The following DPPA4 variants were observed in gnomAD, a reference collection of about 807,000 sequenced individuals.
DPPA4 encodes the protein developmental pluripotency-associated protein 4.
A neutral mutation model predicts 33.7 loss-of-function variants in DPPA4; 22 were observed. That is an observed-to-expected ratio of 0.65 (90% CI 0.47 to 0.93). The LOEUF (loss-of-function observed/expected upper bound fraction) is 0.93. Ranked by LOEUF, DPPA4 falls within the 40% of genes least tolerant of loss-of-function variation. DPPA4 has a pLI of 0.00. For missense variants in DPPA4, 340 were observed against 358.6 expected, an observed-to-expected ratio of 0.95 and a Z score of 0.42; for synonymous variants, 156 against 132.3, an observed-to-expected ratio of 1.18 and a Z score of -1.23.
rs1039707295 is a variant in DPPA4 at position 109,330,432 on chromosome 3, G to A, written c.679+92C>T. 11 of 1,477,136 alleles carry A rather than the reference G, an allele frequency of 7.4e-6. No individual in the cohort carries two copies. In the African/African-American group the frequency reaches 8.3e-5, roughly 11 times the overall value. The allele number at this position is 1,477,136 out of a possible 1,614,324, so 91.5% of individuals were successfully genotyped here. ...TCCAGGAATCACCGGCCCTCAAAGG[G>A]ATTTTGATATACCCTAAAATGTACC... is the stretch of plus-strand genomic sequence containing the variant. On this transcript the variant is annotated intron_variant, in intron 5 of 6. Transcript: ENST00000335658.
chr3:109,335,016 A>G (rs1041975497), intron 1 of DPPA4, among the ~76,000 whole-genome samples: 1 of 152,206 alleles, frequency 6.6e-6, no homozygotes, highest in Non-Finnish European at 1.5e-5. Flanking sequence ...GGCACTCAAT[A>G]AATATTGGTT....
At chr3:109,334,734 T>C (rs1708156679) in intron 1 of DPPA4, among the ~76,000 whole-genome samples, 1 of 152,168 alleles carries the variant, frequency 6.6e-6, no homozygotes, top group Non-Finnish European at 1.5e-5. Flanking sequence ...ACCAGCCTCT[T>C]ATCTCCTATT....
chr3:109,328,017 C>A lies in DPPA4; in HGVS notation c.886G>T (p.Val296Phe), dbSNP rs758482454. The A allele has an allele frequency of 3.3e-6, 5 of 1,532,978 alleles. No homozygotes were observed. Among genetic ancestry groups the A allele is most frequent in the Non-Finnish European group, 3.6e-6 (4 of 1,107,504 alleles). 95.0% of individuals were successfully genotyped at this position (1,532,978 alleles called of 1,614,324 possible). Residue 296 changes from valine (V) to phenylalanine (F), a missense_variant, in exon 7 of 7, where the codon GTC becomes TTC. This residue lies in a region of DPPA4 where 212 missense variants were observed against 206.5 expected (regional missense o/e 1.03). Transcript: ENST00000335658. ...LCPKCVHRNK[V>F]LIKSLQWE ...TCCCATTGGAGGCTTTTTATTAAGA[C>A]CTTGTTCCTATAAAGCAAATAAAGT...
At chr3:109,328,646 G>T (rs1467938517) in intron 6 of DPPA4, among the ~76,000 whole-genome samples, 1 of 152,058 alleles carries the variant, frequency 6.6e-6, no homozygotes, top group Non-Finnish European at 1.5e-5. Flanking sequence ...TTTGAATATA[G>T]TAATTATATA....
chr3:109,337,579 G>A, upstream of DPPA4: 1 of 1,478,020 alleles, frequency 6.8e-7, no homozygotes, highest in Non-Finnish European at 9.5e-7. Flanking sequence ...ACTTCCTGCC[G>A]CCCGAAGACC....
In DPPA4 at chr3:109,328,897, CACATTTGGGGCACA is replaced by C. The variant is rs754469297; in HGVS notation, c.857_870del (p.Leu286CysfsTer27). The C allele has an allele frequency of 6.2e-7, 1 of 1,613,310 alleles. No individual in the cohort carries two copies. The highest frequency in any genetic ancestry group is 1.3e-5 in the African/African-American group (1 of 75,036). The stretch of plus-strand genomic sequence containing the variant: ...AAAGCATCAGGTAATTACCTGTGAA[CACATTTGGGGCACA>C]ACATATTGTCTTCAAGGTGCGGGGG... On this transcript the variant is annotated frameshift_variant, in exon 6 of 7. Transcript: ENST00000335658. LOFTEE classifies it high-confidence loss of function.
intron 5 of DPPA4, 65 bp downstream of exon 5, chr3:109,330,459 G>A (rs762777999): frequency 6.3e-7 from 1 of 1,577,290 alleles, no homozygotes; most frequent in Admixed American, 1.7e-5. Flanking sequence ...AAATGTACCA[G>A]TGATTAATAT....
intron 5 of DPPA4, 107 bp downstream of exon 5, chr3:109,330,417 A>C (rs1288860823): frequency 4.7e-6 from 6 of 1,278,460 alleles, no homozygotes; most frequent in Non-Finnish European, 6.8e-6. Flanking sequence ...TCCAGGAATC[A>C]CCGGCCCTCA....
Position 109,328,883 on chromosome 3 carries a change from T to TA in DPPA4, c.878+6dup. On this transcript the variant is annotated splice_region_variant and intron_variant, in intron 6 of 6. Coordinates refer to ENST00000335658, the MANE Select transcript of DPPA4 (RefSeq NM_018189.4). ...TTTTAGTTTGTAGAAAAGCATCAGG[T>TA]AATTACCTGTGAACACATTTGGGGC... is the stretch of plus-strand genomic sequence containing the variant. The TA allele has an allele frequency of 6.2e-7, 1 of 1,610,578 alleles. No individual in the cohort carries two copies. The highest frequency in any genetic ancestry group is 8.5e-7 in the Non-Finnish European group (1 of 1,177,820).
At chr3:109,334,121 C>T (rs1483180359) in intron 1 of DPPA4, 128 bp from the exon 2 acceptor site, 3 of 966,986 alleles carry the variant, frequency 3.1e-6, no homozygotes, top group African/African-American at 1.6e-5. Context: ...TGTGGATTCT[C>T]CTCTGGGTAT....
intron 5 of DPPA4, 191 bp downstream of exon 5, chr3:109,330,333 G>T: frequency 4.9e-6 from 2 of 409,672 alleles, no homozygotes; most frequent in Non-Finnish European, 4.4e-6. Context: ...AAAAAAAAAG[G>T]AAAAAAAAAA....
At chr3:109,334,127 G>C in intron 1 of DPPA4, 134 bp from the exon 2 acceptor site, 2 of 911,822 alleles carry the variant, frequency 2.2e-6, no homozygotes, top group Non-Finnish European at 3.2e-6. Context: ...TTCTCCTCTG[G>C]GTATCATCTT....
rs1707949816 is a variant in DPPA4 at position 109,327,007 on chromosome 3, C to T, written c.*981G>A. 1.3e-5 allele frequency: 2 copies of T among 152,026 alleles called. No individual in the cohort carries two copies. Among genetic ancestry groups the T allele is most frequent in the African/African-American group, 4.8e-5 (2 of 41,368 alleles). The allele number at this position is 152,026 out of a possible 1,614,324, so 9.4% of individuals were successfully genotyped here. A position where few individuals can be genotyped will look rare whatever the true frequency, so the allele number is the denominator to read the frequency against. On this transcript the variant is annotated 3_prime_UTR_variant, in exon 7 of 7. Transcript: ENST00000335658. ...TCGGTTAATAAACACATTTTAAATT[C>T]AATATATTATGTATTTATGAGCGGG...
intron 1 of DPPA4, among the ~76,000 whole-genome samples, chr3:109,335,550 C>A (rs1374048423): frequency 6.6e-6 from 1 of 152,098 alleles, no homozygotes; most frequent in Non-Finnish European, 1.5e-5. Context: ...GCCTCAGCCT[C>A]CCCACTAGCT....
chr3:109,331,676 T>G, intron 4 of DPPA4, 58 bp downstream of exon 4: 1 of 1,545,262 alleles, frequency 6.5e-7, no homozygotes, highest in Non-Finnish European at 8.9e-7. Flanking sequence ...TACTCACTTT[T>G]GAGGCTACAA....
At chr3:109,339,467 T>C (rs897110728), upstream of DPPA4, among the ~76,000 whole-genome samples, 1 of 151,882 alleles carries the variant, frequency 6.6e-6, no homozygotes, top group Non-Finnish European at 1.5e-5. Context: ...GCACAGCACA[T>C]GTTGGGATCA....
chr3:109,328,369 A>G (rs952002884), intron 6 of DPPA4, among the ~76,000 whole-genome samples: 10 of 152,146 alleles, frequency 6.6e-5, no homozygotes, highest in African/African-American at 2.4e-4. Context: ...CTCACAGCAA[A>G]AAGTAGGATA....
At chr3:109,332,587 C>T (rs560716621) in intron 2 of DPPA4, among the ~76,000 whole-genome samples, 12 of 152,256 alleles carry the variant, frequency 7.9e-5, no homozygotes, top group Admixed American at 3.9e-4. Context: ...TTACCGCTGT[C>T]TTAGACTTGA....
chr3:109,333,913 T>C lies in DPPA4; in HGVS notation c.135A>G (p.Ser45=). ...QPNSIALPGT[S]AKRTKEKMSI... ...ACATTTTTTCTTTGGTTCTCTTTGC[T>C]GATGTTCCTGGCAAAGCAATTGAAT... The change falls in exon 2 of 7, where the codon TCA becomes TCG. Residue 45 remains serine (S), a synonymous_variant. Coordinates refer to ENST00000335658, the MANE Select transcript of DPPA4 (RefSeq NM_018189.4). The C allele has an allele frequency of 6.2e-7, 1 of 1,614,132 alleles. No individual in the cohort carries two copies.
Sources: gnomAD v4.1 joint callset for allele counts (sites outside exome capture counted in the v4.1 genomes callset) on GRCh38, gnomAD v4.1.1 for gene constraint, gnomAD v4.1.1 regional missense constraint, MANE v1.5 for transcripts, NCBI Gene and HGNC (gene_info 2026-07-23, HGNC 2026-07-21) for gene names.